Variants in PSD3 observed in about 807,000 individuals in gnomAD.
The protein encoded by PSD3 is PH and SEC7 domain-containing protein 3.
A neutral mutation model predicts 105.5 loss-of-function variants in PSD3; 49 were observed. The observed-to-expected ratio is 0.46, with a 90% CI of 0.37 to 0.59. The LOEUF (loss-of-function observed/expected upper bound fraction) is 0.59. Among genes scored for constraint, PSD3 ranks in the 20% least tolerant of loss-of-function variants. PSD3 has a pLI of 0.00. For synonymous variants in PSD3, 557 were observed against 457.8 expected (o/e 1.22, Z -2.77); for missense variants, 1,561 against 1,263.8 (o/e 1.24, Z -3.57).
At chr8:18,685,218 G>A (rs2130967661) in intron 9 of PSD3, among the ~76,000 whole-genome samples, 1 of 152,182 alleles carries the variant, frequency 6.6e-6, no homozygotes, top group Middle Eastern at 3.4e-3. Flanking sequence ...ACGCACTGGT[G>A]TTCTTGAGCA....
chr8:18,567,585 T>C (rs1243575873), intron 14 of PSD3, among the ~76,000 whole-genome samples: 1 of 152,166 alleles, frequency 6.6e-6, no homozygotes, highest in Non-Finnish European at 1.5e-5. Flanking sequence ...CAAGTAAGCA[T>C]TCAATATATG....
chr8:18,842,681 C>T (rs1411180304), intron 4 of PSD3, among the ~76,000 whole-genome samples: 1 of 151,572 alleles, frequency 6.6e-6, no homozygotes, highest in South Asian at 2.1e-4. Flanking sequence ...TGCAGTGAGC[C>T]GAGATAGCGC....
chr8:18,827,688 G>A (rs995472624), intron 4 of PSD3, among the ~76,000 whole-genome samples: 2 of 152,062 alleles, frequency 1.3e-5, no homozygotes, highest in Admixed American at 1.3e-4. Context: ...CAAGGGTCGA[G>A]GTGACAGATG....
At chr8:18,849,289 C>CT (rs1350232475) in intron 4 of PSD3, 1 of 152,332 alleles carries the variant, frequency 6.6e-6, no homozygotes, top group East Asian at 1.9e-4. Context: ...CCCACACCAT[C>CT]TATCATTTCT....
At chr8:18,666,645 C>A (rs1384996164) in intron 9 of PSD3, among the ~76,000 whole-genome samples, 1 of 151,062 alleles carries the variant, frequency 6.6e-6, no homozygotes, top group East Asian at 1.9e-4. Flanking sequence ...GGAGAAAGCT[C>A]CATGTACAAG....
chr8:18,565,798 T>C (rs972703220), intron 14 of PSD3, among the ~76,000 whole-genome samples: 5 of 152,078 alleles, frequency 3.3e-5, no homozygotes, highest in African/African-American at 9.7e-5. Flanking sequence ...TGGTTCTCAA[T>C]AGGAGTGGGT....
At chr8:18,579,115 C>CAA (rs1456356542) in intron 12 of PSD3, among the ~76,000 whole-genome samples, 1 of 151,696 alleles carries the variant, frequency 6.6e-6, no homozygotes, top group East Asian at 1.9e-4. Flanking sequence ...CACACACACA[C>CAA]ACACACACAC....
chr8:18,699,451 T>C (rs1031510595), intron 9 of PSD3, among the ~76,000 whole-genome samples: 5 of 152,200 alleles, frequency 3.3e-5, no homozygotes, highest in Non-Finnish European at 5.9e-5. Context: ...CTAGTCACAG[T>C]CAGGCAAGAC....
chr8:18,850,324 C>A (rs1462018555), intron 4 of PSD3, among the ~76,000 whole-genome samples: 1 of 152,234 alleles, frequency 6.6e-6, no homozygotes, highest in African/African-American at 2.4e-5. Context: ...TCATGACATC[C>A]TTTCTCCCTG....
At chr8:18,626,810 G>C (rs1001885017) in intron 11 of PSD3, among the ~76,000 whole-genome samples, 1 of 152,102 alleles carries the variant, frequency 6.6e-6, no homozygotes, top group African/African-American at 2.4e-5. Flanking sequence ...TGAGGTTGGT[G>C]GGGGAGACAG....
At chr8:18,868,956 C>T (rs73666742) in intron 3 of PSD3, among the ~76,000 whole-genome samples, 1 of 152,060 alleles carries the variant, frequency 6.6e-6, no homozygotes, top group African/African-American at 2.4e-5. Flanking sequence ...ATAGGAATAA[C>T]ATAGAATTAG....
rs34820641 is a variant in PSD3 at position 18,765,475 on chromosome 8, C to T, written c.2146G>A (p.Val716Ile). ...TTCAGCAGATCCTTGGAGAAATCAA[C>T]ACCCTCATTTACCCCTTGCAGATTT... ...IANLQGVNEG[V>I]DFSKDLLKAL... The change falls in exon 9 of 16, where the codon GTT becomes ATT. Residue 716 changes from valine to isoleucine, a missense_variant. Transcript: ENST00000327040. 7.2e-5 allele frequency: 116 copies of T among 1,612,568 alleles called. 1 individual carries two copies. The African/African-American group carries it at 1.4e-3, about 19-fold the overall frequency.
intron 4 of PSD3, among the ~76,000 whole-genome samples, chr8:18,825,871 C>G (rs1435411751): frequency 6.6e-6 from 1 of 152,116 alleles, no homozygotes; most frequent in Non-Finnish European, 1.5e-5. Flanking sequence ...CCCCCTACAG[C>G]AAAAAGGTCC....
rs541707761 is a variant in PSD3, at chr8:18,552,786, T to C, written c.2928+3423A>G. Among the ~76,000 whole-genome samples, 28 of 152,314 alleles carry C rather than the reference T, an allele frequency of 1.8e-4. No individual in the cohort carries two copies. The South Asian group carries it at 5.8e-3, about 32-fold the overall frequency. On this transcript the variant is annotated intron_variant, in intron 15 of 15. Transcript: ENST00000327040. ...CTTAAAGCCTCTTTTAGAAGTAAGA[T>C]TAGATTCCAAACCACAGCTTGGAGG...
intron 9 of PSD3, among the ~76,000 whole-genome samples, chr8:18,731,491 A>G (rs897751674): frequency 1.3e-5 from 2 of 152,332 alleles, no homozygotes; most frequent in African/African-American, 2.4e-5. Flanking sequence ...TGTATCAAAC[A>G]TGATCTCAGT....
chr8:18,593,261 T>C (rs913076687), intron 12 of PSD3, among the ~76,000 whole-genome samples: 1 of 152,126 alleles, frequency 6.6e-6, no homozygotes, highest in African/African-American at 2.4e-5. Flanking sequence ...TACAATGAAC[T>C]CAAACAAATT....
chr8:18,907,681 C>T (rs1340152383), intron 2 of PSD3, among the ~76,000 whole-genome samples: 1 of 152,218 alleles, frequency 6.6e-6, no homozygotes, highest in African/African-American at 2.4e-5. Flanking sequence ...CAAGTACACT[C>T]TGGTGTTCAA....
At chr8:18,808,631 A>G (rs1811409281) in intron 4 of PSD3, 1 of 1,277,144 alleles carries the variant, frequency 7.8e-7, no homozygotes, top group East Asian at 2.5e-5. Flanking sequence ...AGCACAAAGG[A>G]TAAATATGTC....
rs542414170 is a variant in PSD3, at chr8:18,984,320, A to G, written c.21+29243T>C. The stretch of plus-strand genomic sequence containing the variant: ...AACTGAACTACACAATTCTCAACAG[A>G]TCCTTACTTAAAGCCCAGGTATTCA... On this transcript the variant is annotated intron_variant, in intron 1 of 15. Transcript: ENST00000327040. Among the ~76,000 whole-genome samples the G allele has an allele frequency of 5.3e-5, 8 of 152,188 alleles. No individual in the cohort carries two copies. In the South Asian group the frequency reaches 1.0e-3, roughly 20 times the overall value.
Sources: gnomAD v4.1 joint callset for allele counts (sites outside exome capture counted in the v4.1 genomes callset) on GRCh38, gnomAD v4.1.1 for gene constraint, MANE v1.5 for transcripts, NCBI Gene and HGNC (gene_info 2026-07-23, HGNC 2026-07-21) for gene names.